The following CSNK2A2IP variants were observed in gnomAD, a reference collection of about 807,000 sequenced individuals.
CSNK2A2IP encodes casein kinase II subunit alpha'-interacting protein.
the CSNK2A2IP span, among the ~76,000 whole-genome samples, chr3:88,462,096 A>G: frequency 7.0e-6 from 1 of 142,226 alleles, no homozygotes; most frequent in South Asian, 2.3e-4. Flanking sequence ...CCAGATTATC[A>G]TGGAGATGAG....
At chr3:88,388,686 C>A in the CSNK2A2IP span, among the ~76,000 whole-genome samples, 1 of 152,098 alleles carries the variant, frequency 6.6e-6, no homozygotes, top group African/African-American at 2.4e-5. Flanking sequence ...ATTCATCCTC[C>A]CTTTGCTGTT....
At chr3:88,466,585 AT>A in the CSNK2A2IP span, 2 of 1,231,672 alleles carry the variant, frequency 1.6e-6, no homozygotes, top group Non-Finnish European at 2.0e-6. Flanking sequence ...AAATAAAGAA[AT>A]TCCTTGGACT....
the CSNK2A2IP span, among the ~76,000 whole-genome samples, chr3:88,356,513 G>A: frequency 1.0e-3 from 155 of 152,180 alleles, no homozygotes; most frequent in African/African-American, 3.4e-3. Context: ...TGAACAATTA[G>A]GTTGATTCCA....
chr3:88,415,498 T>C, the CSNK2A2IP span, among the ~76,000 whole-genome samples: 2 of 151,932 alleles, frequency 1.3e-5, no homozygotes, highest in African/African-American at 4.8e-5. Context: ...GATTTAAGTT[T>C]TTAATCTTTT....
At chr3:88,344,203 T>C in the CSNK2A2IP span, among the ~76,000 whole-genome samples, 2 of 145,932 alleles carry the variant, frequency 1.4e-5, no homozygotes, top group African/African-American at 4.9e-5. Flanking sequence ...ACCTTCCTTT[T>C]ACAAACTGTT....
the CSNK2A2IP span, among the ~76,000 whole-genome samples, chr3:88,386,260 G>T: frequency 6.6e-6 from 1 of 151,978 alleles, no homozygotes; most frequent in Non-Finnish European, 1.5e-5. Context: ...AAGTTGCTGG[G>T]ATTACAGGCA....
At chr3:88,343,917 C>A in the CSNK2A2IP span, among the ~76,000 whole-genome samples, 5 of 151,884 alleles carry the variant, frequency 3.3e-5, no homozygotes, top group Non-Finnish European at 7.4e-5. Context: ...CACAATAAAT[C>A]ATCTAGGTTA....
chr3:88,466,927 T>G, the CSNK2A2IP span: 16 of 1,231,288 alleles, frequency 1.3e-5, no homozygotes, highest in African/African-American at 1.6e-5. Context: ...TCTTATCCTT[T>G]CTCTACCAGA....
the CSNK2A2IP span, among the ~76,000 whole-genome samples, chr3:88,369,796 C>G: frequency 2.6e-5 from 4 of 151,728 alleles, no homozygotes; most frequent in Non-Finnish European, 5.9e-5. Flanking sequence ...AAAACAGAAG[C>G]CTTATTAGAT....
At chr3:88,365,596 G>A in the CSNK2A2IP span, among the ~76,000 whole-genome samples, 6 of 152,028 alleles carry the variant, frequency 3.9e-5, no homozygotes, top group African/African-American at 1.4e-4. Context: ...AAGTAATCTG[G>A]GTCTTGGTCA....
the CSNK2A2IP span, among the ~76,000 whole-genome samples, chr3:88,412,793 T>C: frequency 3.7e-4 from 56 of 152,138 alleles, 1 homozygote; most frequent in Admixed American, 7.2e-4. Flanking sequence ...CTGTTTTTAA[T>C]AGTGTAAGGA....
chr3:88,376,864 T>C, the CSNK2A2IP span, among the ~76,000 whole-genome samples: 6 of 151,962 alleles, frequency 3.9e-5, no homozygotes, highest in East Asian at 1.2e-3. Context: ...TTATCCTCTT[T>C]AACCACTCTG....
chr3:88,390,113 A>G, the CSNK2A2IP span, among the ~76,000 whole-genome samples: 1 of 152,080 alleles, frequency 6.6e-6, no homozygotes, highest in African/African-American at 2.4e-5. Flanking sequence ...AAGCTTGAAA[A>G]GCTTCTTGGG....
the CSNK2A2IP span, among the ~76,000 whole-genome samples, chr3:88,461,098 C>T: frequency 6.8e-6 from 1 of 147,004 alleles, no homozygotes; most frequent in Non-Finnish European, 1.5e-5. Context: ...AAAAAAAAAA[C>T]AAAGAAACAT....
chr3:88,368,930 C>T, the CSNK2A2IP span, among the ~76,000 whole-genome samples: 3 of 151,984 alleles, frequency 2.0e-5, no homozygotes, highest in Non-Finnish European at 4.4e-5. Context: ...CTCACATGTT[C>T]CTCAAATCTT....
At chr3:88,453,405 T>C in the CSNK2A2IP span, among the ~76,000 whole-genome samples, 1 of 152,110 alleles carries the variant, frequency 6.6e-6, no homozygotes, top group Non-Finnish European at 1.5e-5. Flanking sequence ...ATATTGCATA[T>C]TCTGAGTATT....
At chr3:88,346,902 GTTAAA>G in the CSNK2A2IP span, among the ~76,000 whole-genome samples, 885 of 152,032 alleles carry the variant, frequency 5.8e-3, 6 homozygotes, top group African/African-American at 0.02. Flanking sequence ...GTCTAGGAAA[GTTAAA>G]TTAAAAACCT....
At chr3:88,383,586 A>G in the CSNK2A2IP span, among the ~76,000 whole-genome samples, 1 of 150,962 alleles carries the variant, frequency 6.6e-6, no homozygotes, top group Non-Finnish European at 1.5e-5. Flanking sequence ...TTTGTTAGTC[A>G]TAGGCTAGAT....
chr3:88,423,649 G>T, the CSNK2A2IP span, among the ~76,000 whole-genome samples: 1 of 152,124 alleles, frequency 6.6e-6, no homozygotes, highest in Admixed American at 6.6e-5. Context: ...CAGAACACGA[G>T]TCTGATCCTT....
Sources: allele counts gnomAD v4.1 joint callset (sites outside exome capture counted in the v4.1 genomes callset), GRCh38; gene constraint gnomAD v4.1.1; transcripts MANE v1.5; gene names NCBI Gene and HGNC (gene_info 2026-07-23, HGNC 2026-07-21).